The following PARD3B variants were observed in gnomAD, a reference collection of about 807,000 sequenced individuals.
PARD3B encodes the protein partitioning defective 3 homolog B.
A neutral mutation model predicts 130.2 loss-of-function variants in PARD3B; 103 were observed. That is an observed-to-expected ratio of 0.79 (90% CI 0.67 to 0.93). The LOEUF (loss-of-function observed/expected upper bound fraction) is 0.93. PARD3B is among the 40% of genes least tolerant of loss of function. The pLI, the probability that PARD3B is intolerant of heterozygous loss-of-function variation, is 0.00. For synonymous variants in PARD3B, 583 were observed against 553.2 expected (o/e 1.05, Z -0.76); for missense variants, 1,609 against 1,499.2 (o/e 1.07, Z -1.21).
chr2:204,642,323 T>C, intron 1 of PARD3B, among the ~76,000 whole-genome samples: 1 of 152,246 alleles, frequency 6.6e-6, no homozygotes, highest in African/African-American at 2.4e-5. Context: ...CAGGCGACAC[T>C]GTGCTTGGGT....
At chr2:205,492,113 T>A (rs1404137930) in intron 20 of PARD3B, among the ~76,000 whole-genome samples, 1 of 152,212 alleles carries the variant, frequency 6.6e-6, no homozygotes, top group Non-Finnish European at 1.5e-5. Context: ...TTCAAAGTTT[T>A]ATGTTAGTGT....
intron 16 of PARD3B, among the ~76,000 whole-genome samples, chr2:205,298,494 G>A (rs1164835309): frequency 2.5e-4 from 9 of 36,324 alleles, no homozygotes; most frequent in East Asian, 2.3e-3. Flanking sequence ...GAAATTTTTT[G>A]TATTTTTTTT....
chr2:205,212,288 G>A (rs1238669280), intron 15 of PARD3B, among the ~76,000 whole-genome samples: 5 of 152,074 alleles, frequency 3.3e-5, no homozygotes, highest in Non-Finnish European at 5.9e-5. Flanking sequence ...TCTTAAATAC[G>A]GGATTGCTCA....
chr2:205,610,924 T>C (rs1232138160), intron 22 of PARD3B, among the ~76,000 whole-genome samples: 1 of 152,200 alleles, frequency 6.6e-6, no homozygotes, highest in Non-Finnish European at 1.5e-5. Context: ...TGTATGTGTG[T>C]GGGTTTTCTC....
At chr2:205,056,911 A>G (rs925166695) in intron 4 of PARD3B, among the ~76,000 whole-genome samples, 2 of 138,044 alleles carry the variant, frequency 1.4e-5, no homozygotes, top group South Asian at 4.5e-4. Flanking sequence ...ATACACACAC[A>G]CACATATATA....
intron 22 of PARD3B, among the ~76,000 whole-genome samples, chr2:205,560,481 T>TTTGTG (rs3077828): frequency 1.1e-4 from 16 of 151,698 alleles, no homozygotes; most frequent in Admixed American, 1.0e-3. Context: ...AGAATCCTGT[T>TTTGTG]AGAACACTCC....
At chr2:205,355,163 G>A (rs2044146161) in intron 18 of PARD3B, among the ~76,000 whole-genome samples, 1 of 152,154 alleles carries the variant, frequency 6.6e-6, no homozygotes, top group Admixed American at 6.5e-5. Context: ...TGCTGTTGCT[G>A]TCGTGAAAGG....
chr2:205,408,012 A>G (rs1320160156), intron 19 of PARD3B, among the ~76,000 whole-genome samples: 1 of 152,214 alleles, frequency 6.6e-6, no homozygotes, highest in East Asian at 1.9e-4. Flanking sequence ...ATTGAAAAGT[A>G]TGAAAACATA....
chr2:204,796,789 G>A (rs2042389676), intron 2 of PARD3B, among the ~76,000 whole-genome samples: 2 of 152,154 alleles, frequency 1.3e-5, no homozygotes, highest in Admixed American at 6.5e-5. Flanking sequence ...CTGCTCTTGT[G>A]TATTCGAATC....
chr2:205,173,330 T>G (rs953422422), intron 12 of PARD3B, among the ~76,000 whole-genome samples: 2 of 152,348 alleles, frequency 1.3e-5, no homozygotes, highest in Non-Finnish European at 2.9e-5. Flanking sequence ...AGTTAAAAGC[T>G]TCAGCTCTGG....
At chr2:204,837,037 T>A (rs2044061791) in intron 2 of PARD3B, among the ~76,000 whole-genome samples, 1 of 152,226 alleles carries the variant, frequency 6.6e-6, no homozygotes, top group African/African-American at 2.4e-5. Context: ...ACACTTTTGA[T>A]ACCCAATGAG....
rs180682527 is a variant in PARD3B, at chr2:204,611,700, C to A, written c.120+65581C>A. Reference sequence around the variant, plus strand: ...CAGTCCCATATTCTTAATGTTCTTACTATATACATGTATGGACTAATTCGG... The same window carrying A: ...CAGTCCCATATTCTTAATGTTCTTAATATATACATGTATGGACTAATTCGG... On this transcript the variant is annotated intron_variant, in intron 1 of 22. Coordinates refer to ENST00000406610, the MANE Select transcript of PARD3B (RefSeq NM_001302769.2). Among the ~76,000 whole-genome samples the A allele has an allele frequency of 2.6e-5, 4 of 152,230 alleles. No homozygotes were observed. The East Asian group carries it at 7.7e-4, about 29-fold the overall frequency.
chr2:205,092,320 T>C (rs1207127921), intron 4 of PARD3B, among the ~76,000 whole-genome samples: 1 of 152,054 alleles, frequency 6.6e-6, no homozygotes, highest in East Asian at 1.9e-4. Flanking sequence ...TAGAAACAGC[T>C]CCAGGATGAG....
At position 205,325,827 on chromosome 2, in the gene PARD3B, A is replaced by G. The variant is rs2042921014; in HGVS notation, c.2630+24126A>G. ...AGTCCATTATTTCAATTTACCTACA[A>G]TTATCAGGGCAAATATATAGAAGGA... On this transcript the variant is annotated intron_variant, in intron 18 of 22. Transcript: ENST00000406610. The surrounding 1 kb of genome is among the most constrained non-coding windows in gnomAD (Gnocchi z 4.1). 6.6e-6 allele frequency among the ~76,000 whole-genome samples: 1 copy of G among 152,214 alleles called. No individual in the cohort carries two copies. The highest frequency in any genetic ancestry group is 1.5e-5 in the Non-Finnish European group (1 of 68,038).
In PARD3B at chr2:205,075,348, C is replaced by A. The variant is rs573336057; in HGVS notation, c.504+27658C>A. Among the ~76,000 whole-genome samples the A allele has an allele frequency of 1.7e-3, 251 of 152,112 alleles. 1 individual carries two copies. Among genetic ancestry groups the A allele is most frequent in the African/African-American group, 5.6e-3 (231 of 41,544 alleles). On this transcript the variant is annotated intron_variant, in intron 4 of 22. Transcript: ENST00000406610. ...GGTTACTTATTTGTAGATTTCTTTT[C>A]ATTGCTCATGGTGAAGATAGGAATT... is the stretch of plus-strand genomic sequence containing the variant.
At chr2:204,876,269 T>C (rs1021977834) in intron 2 of PARD3B, among the ~76,000 whole-genome samples, 1 of 152,234 alleles carries the variant, frequency 6.6e-6, no homozygotes, top group African/African-American at 2.4e-5. Context: ...TCCAGAACCC[T>C]CTTTCCAAAT....
chr2:204,602,407 T>C (rs979997069), intron 1 of PARD3B, among the ~76,000 whole-genome samples: 7 of 151,560 alleles, frequency 4.6e-5, no homozygotes, highest in African/African-American at 9.7e-5. Context: ...TCTTAAACAA[T>C]AGTACAAAGA....
At chr2:205,147,342 T>C (rs2033438249) in intron 10 of PARD3B, among the ~76,000 whole-genome samples, 1 of 152,188 alleles carries the variant, frequency 6.6e-6, no homozygotes, top group African/African-American at 2.4e-5. Context: ...GGGAGAGGGT[T>C]ACTGTAGGAA....
intron 18 of PARD3B, among the ~76,000 whole-genome samples, chr2:205,380,556 ATT>A (rs1436790917): frequency 8.9e-5 from 4 of 44,846 alleles, no homozygotes; most frequent in Non-Finnish European, 6.8e-5. Flanking sequence ...AAGAATATAT[ATT>A]ATATATAATA....
Sources: allele counts gnomAD v4.1 joint callset (sites outside exome capture counted in the v4.1 genomes callset), GRCh38; gene constraint gnomAD v4.1.1; non-coding constraint Gnocchi (gnomAD v3.1); transcripts MANE v1.5; gene names NCBI Gene and HGNC (gene_info 2026-07-23, HGNC 2026-07-21).